Variants in MYH15 observed in about 807,000 individuals in gnomAD.
The protein encoded by MYH15 is myosin-15.
A neutral mutation model predicts 240.5 loss-of-function variants in MYH15; 227 were observed. That is an observed-to-expected ratio of 0.94 (90% CI 0.85 to 1.05). MYH15 has a LOEUF of 1.05. Ranked by LOEUF, MYH15 falls within the 50% of genes least tolerant of loss-of-function variation. MYH15 has a pLI of 0.00. For missense variants in MYH15, 2,217 were observed against 2,247.5 expected (o/e 0.99, Z 0.27); for synonymous variants, 785 against 796.7 (o/e 0.99, Z 0.25).
At chr3:108,508,611 GAAGAA>G (rs2083497197) in intron 1 of MYH15, among the ~76,000 whole-genome samples, 1 of 152,170 alleles carries the variant, frequency 6.6e-6, no homozygotes, top group Non-Finnish European at 1.5e-5. Context: ...AATAATGTAT[GAAGAA>G]AAGAATGTTT....
intron 6 of MYH15, among the ~76,000 whole-genome samples, chr3:108,497,095 A>T (rs2083397131): frequency 1.6e-5 from 2 of 126,524 alleles, no homozygotes; most frequent in South Asian, 5.6e-4. Flanking sequence ...CAGGAGGCGG[A>T]GGTTGCAGTG....
At chr3:108,503,236 T>C (rs2083451540) in intron 2 of MYH15, among the ~76,000 whole-genome samples, 1 of 152,208 alleles carries the variant, frequency 6.6e-6, no homozygotes, top group South Asian at 2.1e-4. Context: ...TGTAACCACA[T>C]TATAGTCACA....
At position 108,510,499 on chromosome 3, in the gene MYH15, G is replaced by T. The variant is rs372618528; in HGVS notation, c.32C>A (p.Ala11Asp). ...CTCAGCTTCACTTCTTCTGAGGAAG[G>T]CTGCGGCTTCTCCAAGGTCTGACAG... MDLSDLGEAA[A>D]FLRRSEAELL... The change falls in exon 1 of 41, where the codon GCC (alanine) becomes GAC (aspartate). Residue 11 changes from alanine (A) to aspartate (D), a missense_variant. Ala to Asp is a moderately radical substitution (Grantham distance 126). Coordinates refer to ENST00000693548, the MANE Select transcript of MYH15 (RefSeq NM_014981.3). 2.5e-6 allele frequency: 4 copies of T among 1,613,470 alleles called. No homozygotes were observed. In the South Asian group the frequency reaches 4.4e-5, roughly 18 times the overall value.
intron 6 of MYH15, 95 bp from the exon 7 acceptor site, chr3:108,495,967 G>T: frequency 1.1e-6 from 1 of 884,652 alleles, no homozygotes; most frequent in African/African-American, 1.7e-5. Context: ...CCCCATTCTT[G>T]CTTTGATAAC....
intron 14 of MYH15, among the ~76,000 whole-genome samples, chr3:108,468,797 G>A (rs779950224): frequency 3.9e-5 from 6 of 152,128 alleles, no homozygotes; most frequent in Non-Finnish European, 5.9e-5. Flanking sequence ...TATGTCCCAC[G>A]TTCCTGCCTG....
intron 35 of MYH15, 90 bp downstream of exon 35, chr3:108,398,547 G>T (rs908391789): frequency 8.1e-7 from 1 of 1,237,022 alleles, no homozygotes; most frequent in Non-Finnish European, 1.2e-6. Context: ...TTAACAGGGC[G>T]ACTGTGCATG....
chr3:108,393,540 TAAAG>T (rs1312441007), intron 36 of MYH15, among the ~76,000 whole-genome samples: 5 of 152,082 alleles, frequency 3.3e-5, no homozygotes, highest in Admixed American at 1.3e-4. Flanking sequence ...AACTGGAAAA[TAAAG>T]AAAGTACAGC....
intron 25 of MYH15, among the ~76,000 whole-genome samples, chr3:108,435,701 T>TATATATGTATGTATATTTTATATAC (rs1394466504): frequency 6.7e-6 from 1 of 149,398 alleles, no homozygotes; most frequent in African/African-American, 2.5e-5. Flanking sequence ...TACATATATA[T>TATATATGTATGTATATTTTATATAC]ATATATATAT....
Position 108,439,902 on chromosome 3 carries a change from C to G in MYH15, c.2910G>C (p.Leu970Phe). ...CATTTAGAAACTCTACTTCCTCAGT[C>G]AAGTTCTTGACCTGTGGGAAGAAGA... ...KRTTEHKVKN[L>F]TEEVEFLNED... is the part of the protein sequence containing the mutation. Residue 970 changes from leucine (L) to phenylalanine (F), a missense_variant, in exon 24 of 41, where the codon TTG becomes TTC. By Grantham distance (22) the Leu-to-Phe change is conservative. Transcript: ENST00000693548. The G allele has an allele frequency of 6.3e-7, 1 of 1,598,430 alleles. No individual in the cohort carries two copies. The highest frequency in any genetic ancestry group is 8.5e-7 in the Non-Finnish European group (1 of 1,173,240).
the MYH15 span, among the ~76,000 whole-genome samples, chr3:108,539,890 C>T: frequency 2.6e-5 from 4 of 152,054 alleles, no homozygotes; most frequent in African/African-American, 9.7e-5. Flanking sequence ...CATAAGCCTC[C>T]AACTCTGCTT....
chr3:108,479,753 AG>A (rs2107592677), intron 11 of MYH15, among the ~76,000 whole-genome samples: 1 of 151,450 alleles, frequency 6.6e-6, no homozygotes, highest in East Asian at 1.9e-4. Flanking sequence ...ACCTGAAAAC[AG>A]GTAAAAAGGT....
chr3:108,423,767 C>T (rs746045828), intron 27 of MYH15, among the ~76,000 whole-genome samples: 4 of 152,154 alleles, frequency 2.6e-5, no homozygotes, highest in Non-Finnish European at 4.4e-5. Flanking sequence ...AATTGGAATT[C>T]GAACTGAAAC....
At chr3:108,501,124 T>C (rs572821425) in intron 3 of MYH15, among the ~76,000 whole-genome samples, 4 of 152,210 alleles carry the variant, frequency 2.6e-5, no homozygotes, top group Non-Finnish European at 5.9e-5. Context: ...ACATGGTAAA[T>C]CAGAAAGCTG....
chr3:108,450,760 T>C (rs75441634), intron 21 of MYH15, among the ~76,000 whole-genome samples: 22,708 of 152,170 alleles, frequency 0.15, 1,925 homozygotes, highest in South Asian at 0.25. Context: ...ATTGTGGTAA[T>C]CATTTCACAA....
intron 1 of MYH15, among the ~76,000 whole-genome samples, chr3:108,521,872 A>G (rs981773402): frequency 5.9e-5 from 9 of 152,066 alleles, no homozygotes; most frequent in African/African-American, 2.2e-4. Flanking sequence ...ACTGCAAACC[A>G]TTTTCAGGTG....
Position 108,427,635 on chromosome 3 carries a change from CAGAGAG to C in MYH15, c.3702+851_3702+856del, listed in dbSNP as rs1553766067. 2.7e-5 allele frequency among the ~76,000 whole-genome samples: 4 copies of C among 146,634 alleles called. No individual in the cohort carries two copies. In the East Asian group the frequency reaches 7.9e-4, roughly 29 times the overall value. On this transcript the variant is annotated intron_variant, in intron 27 of 40. Transcript: ENST00000693548. Reference sequence around the variant, plus strand: ...CACACACAACACACACACACACACACAGAGAGAGAGAGAGAGAGAGAAAGAGAGAGA... The same window carrying C: ...CACACACAACACACACACACACACACAGAGAGAGAGAGAGAAAGAGAGAGA...
the MYH15 span, among the ~76,000 whole-genome samples, chr3:108,539,502 G>T: frequency 6.6e-6 from 1 of 151,982 alleles, no homozygotes; most frequent in Non-Finnish European, 1.5e-5. Flanking sequence ...ATAGAAAAAT[G>T]ATAAAGTAAT....
In MYH15 at chr3:108,510,583, T is replaced by A. The variant is rs2083514369; in HGVS notation, c.-53A>T. On this transcript the variant is annotated 5_prime_UTR_variant, in exon 1 of 41. Coordinates refer to ENST00000693548, the MANE Select transcript of MYH15 (RefSeq NM_014981.3). ...GGCCCTAAACGTGAGTAGGCAAGAT[T>A]CAACCTGAAAAAAAAAAATTGATAC... 1 of 1,566,820 alleles carries A rather than the reference T, an allele frequency of 6.4e-7. No individual in the cohort carries two copies. Among genetic ancestry groups the A allele is most frequent in the Non-Finnish European group, 8.6e-7 (1 of 1,160,256 alleles).
chr3:108,505,756 A>C lies in MYH15; in HGVS notation c.162T>G (p.Asp54Glu). The change falls in exon 2 of 41, where the codon GAT becomes GAG. Residue 54 changes from aspartate to glutamate, a missense_variant. Asp to Glu is a conservative substitution (Grantham distance 45, BLOSUM62 2). Transcript: ENST00000693548. ...CTGCTGTCTCAACAATTACTGTTCCATCATCTTCACTCCCTTTTACCTCAG... is the reference window on the plus strand; with the variant it reads ...CTGCTGTCTCAACAATTACTGTTCCCTCATCTTCACTCCCTTTTACCTCAG... ...IEAEVKGSED[D>E]GTVIVETADG... The C allele has an allele frequency of 1.9e-6, 3 of 1,612,998 alleles. No homozygotes were observed. The highest frequency in any genetic ancestry group is 2.5e-6 in the Non-Finnish European group (3 of 1,179,528).
Sources: gnomAD v4.1 joint callset for allele counts (sites outside exome capture counted in the v4.1 genomes callset) on GRCh38, gnomAD v4.1.1 for gene constraint, MANE v1.5 for transcripts, NCBI Gene and HGNC (gene_info 2026-07-23, HGNC 2026-07-21) for gene names.